The following SAMD4B variants were observed in gnomAD, a reference collection of about 807,000 sequenced individuals.
SAMD4B encodes sterile alpha motif domain containing 4B.
In SAMD4B, 5 loss-of-function variants were observed where a neutral mutation model predicts 74.5. The observed-to-expected ratio is 0.07, with a 90% CI of 0.04 to 0.14. The LOEUF (loss-of-function observed/expected upper bound fraction) is 0.14. SAMD4B is among the 10% of genes least tolerant of loss of function. The pLI is 1.00. For synonymous variants in SAMD4B, 373 were observed against 374.9 expected (o/e 1.00, Z 0.06); for missense variants, 608 against 921.8 (o/e 0.66, Z 4.41).
At chr19:39,347,648 C>T (rs1333625808) in intron 1 of SAMD4B, among the ~76,000 whole-genome samples, 1 of 152,218 alleles carries the variant, frequency 6.6e-6, no homozygotes, top group Admixed American at 6.5e-5. Context: ...TGGCAATACC[C>T]TCACCACAGT....
intron 1 of SAMD4B, among the ~76,000 whole-genome samples, chr19:39,345,364 G>T (rs889357496): frequency 6.6e-6 from 1 of 152,170 alleles, no homozygotes; most frequent in South Asian, 2.1e-4. Flanking sequence ...AGTTATTTCC[G>T]ATTCTACTTT....
chr19:39,385,753 G>C (rs2145920460), downstream of SAMD4B: 1 of 603,756 alleles, frequency 1.7e-6, no homozygotes, highest in Middle Eastern at 3.2e-4. Flanking sequence ...CCTGCCTCTG[G>C]CCTGTGTTTC....
intron 1 of SAMD4B, among the ~76,000 whole-genome samples, chr19:39,344,883 TC>T (rs1355190646): frequency 6.6e-6 from 1 of 152,104 alleles, no homozygotes; most frequent in South Asian, 2.1e-4. Flanking sequence ...CTTAACACCC[TC>T]CTTAGAGACT....
At position 39,369,845 on chromosome 19, in the gene SAMD4B, C is replaced by T. The variant is rs758488403; in HGVS notation, c.387C>T (p.Ala129=). 3 of 1,614,246 alleles carry T rather than the reference C, an allele frequency of 1.9e-6. No homozygotes were observed. The highest frequency in any genetic ancestry group is 2.5e-6 in the Non-Finnish European group (3 of 1,180,054). The change falls in exon 4 of 14, where the codon GCC becomes GCT. Residue 129 remains alanine (A), a synonymous_variant. Transcript: ENST00000610417. ...IEESRQLLSY[A]LIHPATTLED... ...AGAGTCGCCAGCTGCTTTCCTATGC[C>T]CTCATCCACCCAGCCACCACACTGG...
At chr19:39,388,934 C>T, downstream of SAMD4B, 2 of 1,613,956 alleles carry the variant, frequency 1.2e-6, no homozygotes, top group Middle Eastern at 1.6e-4. Flanking sequence ...CTACCTCCCA[C>T]CTTGGGCCTG....
chr19:39,377,479 A>C lies in SAMD4B; in HGVS notation c.1105-6A>C, dbSNP rs767848572. 4 of 1,555,004 alleles carry C rather than the reference A, an allele frequency of 2.6e-6. No homozygotes were observed. In the East Asian group the frequency reaches 6.8e-5, roughly 26 times the overall value. ...ATGTGACCCCAGCCTGTGTCCTCCC[A>C]TCCAGGATGTGCTGGAAGGCGGGAA... On this transcript the variant is annotated splice_region_variant and splice_polypyrimidine_tract_variant and intron_variant, in intron 7 of 13. Transcript: ENST00000610417.
At chr19:39,380,288 T>C (rs1425011748) in intron 10 of SAMD4B, among the ~76,000 whole-genome samples, 1 of 152,246 alleles carries the variant, frequency 6.6e-6, no homozygotes, top group Non-Finnish European at 1.5e-5. Flanking sequence ...CCCTCATATG[T>C]ACCTTGCTCC....
At position 39,356,995 on chromosome 19, in the gene SAMD4B, C is replaced by T. The variant is rs1462909540; in HGVS notation, c.102C>T (p.Thr34=). 1 of 1,613,966 alleles carries T rather than the reference C, an allele frequency of 6.2e-7. No individual in the cohort carries two copies. The highest frequency in any genetic ancestry group is 8.5e-7 in the Non-Finnish European group (1 of 1,179,996). ...TCCTGTCACTTCTGAAACGGGTCACCCGTACCCAGGCCCGCTTCCTGCAGC... is the reference window on the plus strand; with the variant it reads ...TCCTGTCACTTCTGAAACGGGTCACTCGTACCCAGGCCCGCTTCCTGCAGC... ...VALLSLLKRV[T]RTQARFLQLC... Residue 34 remains threonine (T), a synonymous_variant, in exon 3 of 14, where the codon ACC becomes ACT. Coordinates refer to ENST00000610417, the MANE Select transcript of SAMD4B (RefSeq NM_001384574.2).
intron 3 of SAMD4B, among the ~76,000 whole-genome samples, chr19:39,367,852 C>A (rs375841325): frequency 5.9e-5 from 9 of 151,704 alleles, no homozygotes; most frequent in East Asian, 5.9e-4. Context: ...GTAACAGTTC[C>A]TACCCAAGCC....
chr19:39,372,055 T>C (rs2077339408), intron 4 of SAMD4B, among the ~76,000 whole-genome samples: 1 of 152,158 alleles, frequency 6.6e-6, no homozygotes, highest in African/African-American at 2.4e-5. Flanking sequence ...TCTTCATACC[T>C]TTTGTGCTCC....
intron 3 of SAMD4B, among the ~76,000 whole-genome samples, chr19:39,361,918 C>G (rs10153522): frequency 1.3e-5 from 2 of 152,124 alleles, no homozygotes; most frequent in African/African-American, 4.8e-5. Flanking sequence ...CAGAGCCAGA[C>G]TCCGTCTCAA....
At chr19:39,370,422 C>G (rs1354794052) in intron 4 of SAMD4B, among the ~76,000 whole-genome samples, 5 of 152,164 alleles carry the variant, frequency 3.3e-5, no homozygotes, top group African/African-American at 4.8e-5. Flanking sequence ...TCCAGCCTTT[C>G]TTGAGAAGTC....
Position 39,381,045 on chromosome 19 carries a change from G to T in SAMD4B, c.1904G>T (p.Ser635Ile). ...GSNSMPSQSR[S>I]SVQRTHSLPV... ...AACAGCATGCCCAGTCAGAGCCGCA[G>T]CTCTGTGCAGCGCACCCACTCGCTC... Residue 635 changes from serine (S) to isoleucine (I), a missense_variant, in exon 12 of 14, where the codon AGC becomes ATC. By Grantham distance (142) the Ser-to-Ile change is moderately radical. Coordinates refer to ENST00000610417, the MANE Select transcript of SAMD4B (RefSeq NM_001384574.2). 6.2e-7 allele frequency: 1 copy of T among 1,613,036 alleles called. No individual in the cohort carries two copies. The highest frequency in any genetic ancestry group is 8.5e-7 in the Non-Finnish European group (1 of 1,179,940).
In SAMD4B at chr19:39,383,120, T is replaced by TC; in HGVS notation, c.1973-85dup. ...TCCCCCTCCATCTCTCTTGCTCCCT[T>TC]CCCATACCAGCATCCTTTGTCATCC... On this transcript the variant is annotated intron_variant, in intron 12 of 13. Coordinates refer to ENST00000610417, the MANE Select transcript of SAMD4B (RefSeq NM_001384574.2). This position sits in a 1 kb window ranked among gnomAD's most constrained non-coding sequence, Gnocchi z 4.1. 3.8e-6 allele frequency: 4 copies of TC among 1,056,532 alleles called. No individual in the cohort carries two copies. The highest frequency in any genetic ancestry group is 6.0e-6 in the Non-Finnish European group (4 of 671,242). The allele number at this position is 1,056,532 out of a possible 1,614,324, so 65.4% of individuals were successfully genotyped here.
chr19:39,386,840 G>A (rs371373069), downstream of SAMD4B: 19 of 1,389,618 alleles, frequency 1.4e-5, no homozygotes, highest in Non-Finnish European at 1.8e-5. The surrounding 1 kb of genome is among the most constrained non-coding windows in gnomAD (Gnocchi z 6.1). Flanking sequence ...GGAAGATGCA[G>A]TTAAAGACAC....
At position 39,383,626 on chromosome 19, in the gene SAMD4B, C is replaced by T. The variant is rs2078138076; in HGVS notation, c.*99C>T. The T allele has an allele frequency of 1.2e-6, 2 of 1,612,306 alleles. No homozygotes were observed. The highest frequency in any genetic ancestry group is 8.5e-7 in the Non-Finnish European group (1 of 1,179,482). ...GCGACAGCGAGAGGGTGGGCTGGCTCAGCTATATATTCTAATATTTTTCTA... is the reference window on the plus strand; with the variant it reads ...GCGACAGCGAGAGGGTGGGCTGGCTTAGCTATATATTCTAATATTTTTCTA... On this transcript the variant is annotated 3_prime_UTR_variant, in exon 14 of 14. Transcript: ENST00000610417. The surrounding 1 kb of genome is among the most constrained non-coding windows in gnomAD (Gnocchi z 4.1).
In SAMD4B at chr19:39,379,996, C is replaced by A. The variant is rs748983155; in HGVS notation, c.1561C>A (p.Leu521Ile). 6.2e-7 allele frequency: 1 copy of A among 1,613,890 alleles called. No homozygotes were observed. Reference protein sequence around the residue: ...AFTETQKKRLLSWKQQVLKLL... With the variant: ...AFTETQKKRLISWKQQVLKLL... ...CACGGAGACGCAGAAGAAACGGCTGCTATCCTGGAAACAGCAAGTGCTGAA... is the reference window on the plus strand; with the variant it reads ...CACGGAGACGCAGAAGAAACGGCTGATATCCTGGAAACAGCAAGTGCTGAA... Residue 521 changes from leucine (L) to isoleucine (I), a missense_variant, in exon 10 of 14, where the codon CTA becomes ATA. Physicochemically the swap from Leu to Ile is conservative, Grantham distance 5 (BLOSUM62 2). This residue lies in a region of SAMD4B where 27 missense variants were observed against 48.6 expected (regional missense o/e 0.56). Coordinates refer to ENST00000610417, the MANE Select transcript of SAMD4B (RefSeq NM_001384574.2).
intron 1 of SAMD4B, among the ~76,000 whole-genome samples, chr19:39,343,668 TA>T (rs2075486031): frequency 1.3e-5 from 2 of 151,078 alleles, no homozygotes; most frequent in African/African-American, 4.9e-5. Context: ...CCACTCATTC[TA>T]AAAATCTCCA....
chr19:39,386,144 A>G, downstream of SAMD4B: 2 of 1,614,138 alleles, frequency 1.2e-6, no homozygotes, highest in Non-Finnish European at 1.7e-6. The surrounding 1 kb of genome is among the most constrained non-coding windows in gnomAD (Gnocchi z 6.1). Flanking sequence ...CGCTGTCTGA[A>G]TCATTGTCAC....
Sources: gnomAD v4.1 joint callset for allele counts (sites outside exome capture counted in the v4.1 genomes callset) on GRCh38, gnomAD v4.1.1 for gene constraint, gnomAD v4.1.1 regional missense constraint, Gnocchi (gnomAD v3.1) non-coding constraint, MANE v1.5 for transcripts, NCBI Gene and HGNC (gene_info 2026-07-23, HGNC 2026-07-21) for gene names.